The following GABRB3 variants were observed in gnomAD, a reference collection of about 807,000 sequenced individuals.
The protein encoded by GABRB3 is gamma-aminobutyric acid receptor subunit beta-3.
GABRB3 carries 14 observed loss-of-function variants against 52.1 expected under a neutral mutation model. The ratio of observed to expected loss-of-function variants is 0.27; its 90% CI spans 0.18 to 0.42. The LOEUF is 0.42. Ranked by LOEUF, GABRB3 falls within the 10% of genes least tolerant of loss-of-function variation. The pLI is 1.00. For synonymous variants in GABRB3, 260 were observed against 232.3 expected, an observed-to-expected ratio of 1.12 and a Z score of -1.08; for missense variants, 307 against 609.1, an observed-to-expected ratio of 0.50 and a Z score of 5.22.
intron 3 of GABRB3, among the ~76,000 whole-genome samples, chr15:26,744,984 C>CT (rs1890300058): frequency 6.6e-6 from 1 of 152,158 alleles, no homozygotes; most frequent in South Asian, 2.1e-4. Flanking sequence ...AAGCATGGTG[C>CT]TAGAGAGGCC....
At chr15:26,640,615 T>G (rs1455772765) in intron 3 of GABRB3, among the ~76,000 whole-genome samples, 3 of 152,202 alleles carry the variant, frequency 2.0e-5, no homozygotes, top group Non-Finnish European at 4.4e-5. Context: ...GTGAGTAAGG[T>G]TGGATATTAA....
chr15:26,577,097 G>A (rs371032651), intron 6 of GABRB3, among the ~76,000 whole-genome samples: 2 of 152,156 alleles, frequency 1.3e-5, no homozygotes, highest in East Asian at 1.9e-4. Context: ...GATCGGGTAC[G>A]TGTGTAATTG....
chr15:26,725,946 G>A (rs1048789672), intron 3 of GABRB3, among the ~76,000 whole-genome samples: 6 of 152,212 alleles, frequency 3.9e-5, no homozygotes, highest in Non-Finnish European at 1.5e-5. Flanking sequence ...AACACAGTGA[G>A]TAATGCTCAT....
chr15:26,568,665 GTTT>G (rs138366725), intron 6 of GABRB3, among the ~76,000 whole-genome samples: 2 of 119,036 alleles, frequency 1.7e-5, no homozygotes, highest in Non-Finnish European at 1.7e-5. Context: ...GCCCAGCTAG[GTTT>G]TTTTTTTTTT....
rs1315344389 is a variant in GABRB3 at position 26,544,426 on chromosome 15, A to G, written c.*3367T>C. 1 of 152,628 alleles carries G rather than the reference A, an allele frequency of 6.6e-6. No individual in the cohort carries two copies. The highest frequency in any genetic ancestry group is 1.9e-4 in the East Asian group (1 of 5,188). 9.5% of individuals were successfully genotyped at this position (152,628 alleles called of 1,614,324 possible). A position where few individuals can be genotyped will look rare whatever the true frequency, so the allele number is the denominator to read the frequency against. On this transcript the variant is annotated 3_prime_UTR_variant, in exon 9 of 9. Transcript: ENST00000311550. ...AGTGCCTTTCAGGGAGTGACTGAAC[A>G]TGTCAAAGTTCTGGGTGCTGGCGTT...
intron 4 of GABRB3, among the ~76,000 whole-genome samples, chr15:26,585,488 C>G (rs1377660460): frequency 6.8e-6 from 1 of 147,958 alleles, no homozygotes; most frequent in East Asian, 1.9e-4. Context: ...ACCCTAAACT[C>G]AGGTGATAAA....
intron 8 of GABRB3, among the ~76,000 whole-genome samples, chr15:26,554,209 A>ATATATATATATATATT (rs1889666539): frequency 1.0e-5 from 1 of 99,796 alleles, no homozygotes; most frequent in Non-Finnish European, 2.0e-5. Flanking sequence ...ATATATATAT[A>ATATATATATATATATT]GTAGAAACAA....
intron 3 of GABRB3, among the ~76,000 whole-genome samples, chr15:26,731,301 A>C (rs986103372): frequency 2.0e-5 from 3 of 152,248 alleles, no homozygotes; most frequent in Non-Finnish European, 4.4e-5. Context: ...GAGCATTTTA[A>C]CTGAGGTTTT....
intron 7 of GABRB3, 33 bp downstream of exon 7, chr15:26,567,548 T>C: frequency 1.9e-6 from 3 of 1,605,388 alleles, no homozygotes; most frequent in Non-Finnish European, 2.6e-6. Context: ...ACGGTTACTT[T>C]ACATTTAAAT....
chr15:26,765,234 A>AT (rs1890965775), intron 3 of GABRB3, among the ~76,000 whole-genome samples: 1 of 152,166 alleles, frequency 6.6e-6, no homozygotes, highest in East Asian at 1.9e-4. Context: ...GGTACCAGTG[A>AT]TTGGTGCTTA....
intron 3 of GABRB3, among the ~76,000 whole-genome samples, chr15:26,725,703 A>G (rs1011967948): frequency 1.3e-5 from 2 of 152,192 alleles, no homozygotes; most frequent in Non-Finnish European, 2.9e-5. Context: ...ATATCTGCAA[A>G]TATATAATGA....
At chr15:26,689,867 A>C (rs1888528777) in intron 3 of GABRB3, among the ~76,000 whole-genome samples, 1 of 152,066 alleles carries the variant, frequency 6.6e-6, no homozygotes. Flanking sequence ...CAAGGGAGGG[A>C]CGATAACGAG....
intron 4 of GABRB3, among the ~76,000 whole-genome samples, chr15:26,609,842 C>T (rs7164791): frequency 0.017 from 2,570 of 152,262 alleles, 82 homozygotes; most frequent in African/African-American, 0.059. Flanking sequence ...TACGTTAACT[C>T]ACTTGATTTA....
intron 3 of GABRB3, among the ~76,000 whole-genome samples, chr15:26,691,395 C>A (rs926155700): frequency 6.6e-6 from 1 of 152,192 alleles, no homozygotes; most frequent in Non-Finnish European, 1.5e-5. Flanking sequence ...GGGGACTTCA[C>A]ATGGGTGAAT....
intron 3 of GABRB3, among the ~76,000 whole-genome samples, chr15:26,654,435 C>T (rs377536995): frequency 1.1e-4 from 16 of 152,016 alleles, no homozygotes; most frequent in African/African-American, 2.4e-4. Flanking sequence ...CGTGAGCCAC[C>T]GCACCCAGCC....
intron 3 of GABRB3, among the ~76,000 whole-genome samples, chr15:26,732,279 T>C (rs574615720): frequency 6.9e-6 from 1 of 145,166 alleles, no homozygotes; most frequent in African/African-American, 2.6e-5. Context: ...GATGGATGAA[T>C]AGATGGATGG....
At chr15:26,709,515 C>CTTTTTTTTTTTTTTTTTT (rs57044167) in intron 3 of GABRB3, among the ~76,000 whole-genome samples, 161 of 91,992 alleles carry the variant, frequency 1.8e-3, no homozygotes, top group South Asian at 2.8e-3. Context: ...TTTTTTCTTT[C>CTTTTTTTTTTTTTTTTTT]TTTTTTTTTT....
At chr15:26,715,276 C>A (rs1889432644) in intron 3 of GABRB3, among the ~76,000 whole-genome samples, 1 of 152,062 alleles carries the variant, frequency 6.6e-6, no homozygotes, top group Non-Finnish European at 1.5e-5. Context: ...TGAGAGACAG[C>A]AGAAAAACCA....
At position 26,545,690 on chromosome 15, in the gene GABRB3, G is replaced by A. The variant is rs1406220500; in HGVS notation, c.*2103C>T. 6.6e-6 allele frequency: 1 copy of A among 152,316 alleles called. No homozygotes were observed. Among genetic ancestry groups the A allele is most frequent in the Non-Finnish European group, 1.5e-5 (1 of 68,008 alleles). The allele number at this position is 152,316 out of a possible 1,614,324, so 9.4% of individuals were successfully genotyped here. On this transcript the variant is annotated 3_prime_UTR_variant, in exon 9 of 9. Transcript: ENST00000311550. ...TCTTTAACATGATAATAATGATAAGGCCACTTAACAAGGTTTTTCCCAATC... is the reference window on the plus strand; with the variant it reads ...TCTTTAACATGATAATAATGATAAGACCACTTAACAAGGTTTTTCCCAATC...
Sources: gnomAD v4.1 joint callset for allele counts (sites outside exome capture counted in the v4.1 genomes callset) on GRCh38, gnomAD v4.1.1 for gene constraint, MANE v1.5 for transcripts, NCBI Gene and HGNC (gene_info 2026-07-23, HGNC 2026-07-21) for gene names.